The following NHS variants were observed in gnomAD, a reference collection of about 807,000 sequenced individuals.
The protein encoded by NHS is NHS actin remodeling regulator, also known as actin remodeling regulator NHS.
Under a neutral mutation model 72.5 loss-of-function variants are expected in NHS, and 5 were observed. The ratio of observed to expected loss-of-function variants is 0.07; its 90% CI spans 0.04 to 0.14. The LOEUF (loss-of-function observed/expected upper bound fraction) is 0.14, where lower values mean the gene tolerates loss of function less well. NHS is among the 10% of genes least tolerant of loss of function. The pLI is 1.00. For missense variants in NHS, 1,072 were observed against 1,355.7 expected (o/e 0.79, Z 3.29); for synonymous variants, 464 against 547.7 (o/e 0.85, Z 2.13).
chrX:17,580,476 A>G (rs755330814), intron 1 of NHS, among the ~76,000 whole-genome samples: 2 of 112,409 alleles, frequency 1.8e-5, no homozygotes, highest in Admixed American at 9.4e-5. Context: ...AATGTAATGA[A>G]TAGATAAAGT....
At chrX:17,442,194 A>C (rs2064758810) in intron 1 of NHS, among the ~76,000 whole-genome samples, 1 of 112,485 alleles carries the variant, frequency 8.9e-6, no homozygotes, top group Non-Finnish European at 1.9e-5. Flanking sequence ...ATAAATGCTA[A>C]AGTCTTTGTG....
intron 1 of NHS, among the ~76,000 whole-genome samples, chrX:17,564,979 A>T (rs7882052): frequency 0.031 from 2,843 of 90,814 alleles, 135 homozygotes; most frequent in African/African-American, 0.14. Context: ...ATTTTTTTTT[A>T]TTTATTTTTT....
chrX:17,504,067 A>G (rs192574977), intron 1 of NHS, among the ~76,000 whole-genome samples: 59 of 111,806 alleles, frequency 5.3e-4, no homozygotes, highest in Admixed American at 1.3e-3. Context: ...TTGTTCTGCA[A>G]TTGGGAAACC....
intron 1 of NHS, among the ~76,000 whole-genome samples, chrX:17,495,039 C>T (rs1397181452): frequency 8.9e-6 from 1 of 111,913 alleles, no homozygotes; most frequent in Non-Finnish European, 1.9e-5. Flanking sequence ...CTAATCTGGA[C>T]GTATTCAAAA....
intron 1 of NHS, among the ~76,000 whole-genome samples, chrX:17,600,755 A>C (rs1165297269): frequency 9.0e-6 from 1 of 110,701 alleles, no homozygotes; most frequent in Non-Finnish European, 1.9e-5. Context: ...GAGGAAAGGA[A>C]GGAGGAAAAT....
chrX:17,446,661 A>ACCC (rs1212649935), intron 1 of NHS, among the ~76,000 whole-genome samples: 17 of 110,848 alleles, frequency 1.5e-4, no homozygotes, highest in African/African-American at 4.9e-4. Context: ...TTGCCCAAAA[A>ACCC]AAAAAAAAAA....
At chrX:17,570,024 C>T (rs2065466937) in intron 1 of NHS, among the ~76,000 whole-genome samples, 1 of 111,514 alleles carries the variant, frequency 9.0e-6, no homozygotes, top group Non-Finnish European at 1.9e-5. Flanking sequence ...TTCCATTGGT[C>T]TATATATCTG....
intron 1 of NHS, among the ~76,000 whole-genome samples, chrX:17,446,515 C>T (rs1362106069): frequency 9.1e-6 from 1 of 109,730 alleles, no homozygotes; most frequent in East Asian, 2.9e-4. Context: ...CGCCCCTGCC[C>T]GCCAGTGAAC....
chrX:17,442,993 G>A lies in NHS; in HGVS notation c.565+66671G>A, dbSNP rs779675644. Among the ~76,000 whole-genome samples, 3 of 111,793 alleles carry A rather than the reference G, an allele frequency of 2.7e-5. No homozygotes were observed. The South Asian group carries it at 1.1e-3, about 42-fold the overall frequency. ...CTATTCTAAAGACTGCTACACTGAT[G>A]TCTCAGATGTACCATAGGAAATCAG... On this transcript the variant is annotated intron_variant, in intron 1 of 8. Coordinates refer to ENST00000676302, the MANE Select transcript of NHS (RefSeq NM_001291867.2).
At chrX:17,522,502 C>T (rs369293843) in intron 1 of NHS, among the ~76,000 whole-genome samples, 1 of 64,638 alleles carries the variant, frequency 1.5e-5, no homozygotes, top group Admixed American at 1.6e-4. Flanking sequence ...CGCCCCCCCC[C>T]CCCCGCCCCA....
intron 1 of NHS, among the ~76,000 whole-genome samples, chrX:17,680,743 G>GA (rs773833167): frequency 6.5e-5 from 7 of 108,140 alleles, no homozygotes; most frequent in Admixed American, 9.8e-5. Context: ...CTTGCAGCTT[G>GA]AAAAAAAAAA....
intron 1 of NHS, among the ~76,000 whole-genome samples, chrX:17,445,065 G>T (rs1450595972): frequency 1.8e-5 from 2 of 111,674 alleles, no homozygotes; most frequent in Non-Finnish European, 3.8e-5. Context: ...CGTGTGCTGG[G>T]ATGCAGACTT....
rs1340715694 is a variant in NHS, at chrX:17,400,123, C to T, written c.565+23801C>T. Among the ~76,000 whole-genome samples, 3 of 111,578 alleles carry T rather than the reference C, an allele frequency of 2.7e-5. No homozygotes were observed. The Admixed American group carries it at 2.9e-4, about 11-fold the overall frequency. ...CCAATTGGAAAAGCAGAAGTAAAAG[C>T]ATCTTTACTCACAGATGACATAATC... On this transcript the variant is annotated intron_variant, in intron 1 of 8. Coordinates refer to ENST00000676302, the MANE Select transcript of NHS (RefSeq NM_001291867.2).
intron 1 of NHS, among the ~76,000 whole-genome samples, chrX:17,684,190 C>T (rs896778203): frequency 1.8e-5 from 2 of 112,164 alleles, no homozygotes; most frequent in African/African-American, 3.2e-5. Flanking sequence ...CCCATTAAAC[C>T]TCTTTCCTTT....
At chrX:17,519,180 G>T (rs1311835342) in intron 1 of NHS, among the ~76,000 whole-genome samples, 1 of 108,688 alleles carries the variant, frequency 9.2e-6, no homozygotes, top group Non-Finnish European at 1.9e-5. Flanking sequence ...TTGAAGAAAT[G>T]GTTGTAAAAG....
At chrX:17,728,547 T>TTG in intron 7 of NHS, 102 bp from the exon 8 acceptor site, 1 of 1,049,175 alleles carries the variant, frequency 9.5e-7, no homozygotes, top group African/African-American at 2.9e-5. Flanking sequence ...GCAAGGTAAT[T>TTG]TCTGTTTGTT....
chrX:17,597,853 G>C (rs1373024333), intron 1 of NHS, among the ~76,000 whole-genome samples: 1 of 111,003 alleles, frequency 9.0e-6, no homozygotes, highest in African/African-American at 3.3e-5. Flanking sequence ...CACTCCTCAG[G>C]CTCCTCATTC....
chrX:17,490,949 T>G (rs2064988364), intron 1 of NHS, among the ~76,000 whole-genome samples: 1 of 112,060 alleles, frequency 8.9e-6, no homozygotes, highest in Non-Finnish European at 1.9e-5. Context: ...TGTATAGGAA[T>G]GCTTGTGATT....
chrX:17,441,375 G>A (rs1475153430), intron 1 of NHS, among the ~76,000 whole-genome samples: 1 of 112,008 alleles, frequency 8.9e-6, no homozygotes, highest in Non-Finnish European at 1.9e-5. Flanking sequence ...TACATGCCAG[G>A]CATTATTCTA....
Sources: allele counts gnomAD v4.1 joint callset (sites outside exome capture counted in the v4.1 genomes callset), GRCh38; gene constraint gnomAD v4.1.1; transcripts MANE v1.5; gene names NCBI Gene and HGNC (gene_info 2026-07-23, HGNC 2026-07-21).